Variants in GALNT13 observed in about 807,000 individuals in gnomAD.
GALNT13 encodes the protein polypeptide N-acetylgalactosaminyltransferase 13, also known as UDP-GalNAc:polypeptide N-acetylgalactosaminyltransferase 13.
Under a neutral mutation model 64.2 loss-of-function variants are expected in GALNT13, and 28 were observed. That is an observed-to-expected ratio of 0.44 (90% CI 0.32 to 0.60). GALNT13 has a LOEUF of 0.60. Ranked by LOEUF, GALNT13 falls within the 20% of genes least tolerant of loss-of-function variation. The pLI, the probability that GALNT13 is intolerant of heterozygous loss-of-function variation, is 0.05. For synonymous variants in GALNT13, 214 were observed against 224.6 expected, an observed-to-expected ratio of 0.95 and a Z score of 0.42; for missense variants, 577 against 669.8, an observed-to-expected ratio of 0.86 and a Z score of 1.53.
At chr2:153,904,759 GT>G (rs947295142) in intron 2 of GALNT13, among the ~76,000 whole-genome samples, 3 of 151,532 alleles carry the variant, frequency 2.0e-5, no homozygotes, top group South Asian at 2.1e-4. Context: ...TCTTAATGAG[GT>G]TTTTTTGATG....
chr2:153,563,695 C>T, the GALNT13 span, among the ~76,000 whole-genome samples: 113 of 151,670 alleles, frequency 7.5e-4, 1 homozygote, highest in South Asian at 2.3e-3. Context: ...AAAATTCTTT[C>T]TCCTTCACTC....
At chr2:153,193,760 C>T in the GALNT13 span, among the ~76,000 whole-genome samples, 1 of 152,086 alleles carries the variant, frequency 6.6e-6, no homozygotes, top group Admixed American at 6.5e-5. Context: ...GTAACACTCC[C>T]TAAAGCATTT....
In GALNT13 at chr2:154,188,556, T is replaced by C. The variant is rs573478616; in HGVS notation, c.311+48051T>C. 2.0e-5 allele frequency among the ~76,000 whole-genome samples: 3 copies of C among 152,276 alleles called. No individual in the cohort carries two copies. In the South Asian group the frequency reaches 6.2e-4, roughly 32 times the overall value. ...AGCCTAGCAAAGCTTTGCATGTAAA[T>C]TAATTAGTATTTATTAATGTTAAAG... On this transcript the variant is annotated intron_variant, in intron 4 of 12. Coordinates refer to ENST00000392825, the MANE Select transcript of GALNT13 (RefSeq NM_052917.4).
chr2:154,167,368 T>C (rs926852036), intron 4 of GALNT13, among the ~76,000 whole-genome samples: 10 of 152,102 alleles, frequency 6.6e-5, no homozygotes, highest in African/African-American at 2.4e-4. Flanking sequence ...ATAGCACTTT[T>C]AAAATTGTAT....
intron 3 of GALNT13, among the ~76,000 whole-genome samples, chr2:153,964,749 A>G (rs1416523147): frequency 2.6e-5 from 4 of 151,938 alleles, no homozygotes; most frequent in Admixed American, 6.6e-5. Flanking sequence ...AAAAAATAAA[A>G]TTAAAATAAA....
chr2:154,327,044 C>T (rs1442905098), intron 9 of GALNT13, among the ~76,000 whole-genome samples: 1 of 152,060 alleles, frequency 6.6e-6, no homozygotes, highest in Non-Finnish European at 1.5e-5. Context: ...TCCCTATAAT[C>T]CCCACAGGTC....
At chr2:154,313,608 C>G (rs929949980) in intron 9 of GALNT13, among the ~76,000 whole-genome samples, 1 of 151,894 alleles carries the variant, frequency 6.6e-6, no homozygotes, top group African/African-American at 2.4e-5. Flanking sequence ...GCATGCATCA[C>G]CATGCCCAGC....
At chr2:154,334,242 CT>C (rs1321857529) in intron 9 of GALNT13, among the ~76,000 whole-genome samples, 1 of 151,982 alleles carries the variant, frequency 6.6e-6, no homozygotes, top group Non-Finnish European at 1.5e-5. Flanking sequence ...TAATCTCAAA[CT>C]TTTGAAATCC....
At chr2:153,182,234 C>T in the GALNT13 span, among the ~76,000 whole-genome samples, 5 of 151,700 alleles carry the variant, frequency 3.3e-5, no homozygotes, top group African/African-American at 9.7e-5. Context: ...TTAGTGGAGA[C>T]GGGGTTTCAC....
intron 3 of GALNT13, among the ~76,000 whole-genome samples, chr2:154,041,804 T>A (rs1391603612): frequency 7.1e-6 from 1 of 140,586 alleles, no homozygotes; most frequent in Non-Finnish European, 1.6e-5. Flanking sequence ...TGATCTCATA[T>A]ACAAGTATAG....
the GALNT13 span, among the ~76,000 whole-genome samples, chr2:153,127,516 A>T: frequency 1.3e-5 from 2 of 148,628 alleles, no homozygotes; most frequent in Non-Finnish European, 3.0e-5. Context: ...GGACATCTTG[A>T]TACCATTACC....
chr2:154,342,845 T>C (rs921303385), intron 9 of GALNT13, among the ~76,000 whole-genome samples: 8 of 151,826 alleles, frequency 5.3e-5, no homozygotes, highest in African/African-American at 9.7e-5. Context: ...TGTGTGTGTG[T>C]GTGCGAGATT....
chr2:153,552,273 A>G, the GALNT13 span, among the ~76,000 whole-genome samples: 2 of 152,218 alleles, frequency 1.3e-5, no homozygotes, highest in Non-Finnish European at 2.9e-5. Flanking sequence ...GAGATTTGCT[A>G]TAAAGGGTAA....
the GALNT13 span, among the ~76,000 whole-genome samples, chr2:153,373,922 A>G: frequency 6.6e-6 from 1 of 152,158 alleles, no homozygotes; most frequent in Non-Finnish European, 1.5e-5. Context: ...TTTCATGGAC[A>G]TTGCTGCATG....
At chr2:154,369,765 CA>C (rs1049528628) in intron 9 of GALNT13, among the ~76,000 whole-genome samples, 49 of 152,242 alleles carry the variant, frequency 3.2e-4, no homozygotes, top group African/African-American at 1.0e-3. Context: ...ATTAATTCCT[CA>C]AAGTGCTGGA....
chr2:154,001,549 A>G (rs1695910596), intron 3 of GALNT13, among the ~76,000 whole-genome samples: 1 of 152,000 alleles, frequency 6.6e-6, no homozygotes, highest in African/African-American at 2.4e-5. Flanking sequence ...ACTGAAACGC[A>G]ATCTACAGTT....
At chr2:153,929,457 A>G (rs867410981) in intron 2 of GALNT13, among the ~76,000 whole-genome samples, 7 of 152,168 alleles carry the variant, frequency 4.6e-5, no homozygotes, top group African/African-American at 1.7e-4. Flanking sequence ...AGGTAATGAG[A>G]ATAGTACACA....
At chr2:153,584,146 T>G in the GALNT13 span, among the ~76,000 whole-genome samples, 2 of 152,096 alleles carry the variant, frequency 1.3e-5, no homozygotes, top group East Asian at 3.9e-4. Flanking sequence ...CATACCACCC[T>G]CCCCATGCTA....
chr2:154,381,612 G>T (rs950927876), intron 9 of GALNT13, among the ~76,000 whole-genome samples: 6 of 152,074 alleles, frequency 3.9e-5, no homozygotes, highest in Non-Finnish European at 8.8e-5. Context: ...GGAAGGAACA[G>T]AGGTTAAGGA....
Sources: allele counts gnomAD v4.1 joint callset (sites outside exome capture counted in the v4.1 genomes callset), GRCh38; gene constraint gnomAD v4.1.1; transcripts MANE v1.5; gene names NCBI Gene and HGNC (gene_info 2026-07-23, HGNC 2026-07-21).